Variants in ABCC11 observed in about 807,000 individuals in gnomAD.
ABCC11 encodes the protein ATP binding cassette subfamily C member 11.
A neutral mutation model predicts 149.3 loss-of-function variants in ABCC11; 135 were observed. That is an observed-to-expected ratio of 0.90 (90% confidence interval 0.79 to 1.04). The LOEUF (loss-of-function observed/expected upper bound fraction) is 1.04, where lower values mean the gene tolerates loss of function less well. Ranked by LOEUF, ABCC11 falls within the 50% of genes least tolerant of loss-of-function variation. The pLI is 0.00. For synonymous variants in ABCC11, 665 were observed against 671.4 expected (o/e 0.99, Z 0.15); for missense variants, 1,680 against 1,722.1 (o/e 0.98, Z 0.43).
chr16:48,225,883 A>G (rs1396497669), intron 4 of ABCC11, among the ~76,000 whole-genome samples: 4 of 152,240 alleles, frequency 2.6e-5, no homozygotes, highest in African/African-American at 9.6e-5. Flanking sequence ...ACAAAAAACA[A>G]AAACGGAGTG....
chr16:48,174,157 C>G (rs1965888908), intron 26 of ABCC11, among the ~76,000 whole-genome samples: 1 of 152,166 alleles, frequency 6.6e-6, no homozygotes, highest in African/African-American at 2.4e-5. Context: ...CCCCTTCATA[C>G]TGTGATTTAT....
chr16:48,215,211 G>C lies in ABCC11; in HGVS notation c.1085C>G (p.Ala362Gly), dbSNP rs759667730. The C allele has an allele frequency of 6.2e-7, 1 of 1,609,154 alleles. No homozygotes were observed. The highest frequency in any genetic ancestry group is 8.5e-7 in the Non-Finnish European group (1 of 1,176,330). ...ACTTTCCATACCTTCAATGATTTTT[G>C]CAAATGGTTTCTCCCATGTGTACAT... ...IKMYTWEKPF[A>G]KIIEDLRRKE... The change falls in exon 8 of 30, where the codon GCA becomes GGA. Residue 362 changes from alanine to glycine, a missense_variant. Coordinates refer to ENST00000356608, the MANE Select transcript of ABCC11 (RefSeq NM_001370497.1).
chr16:48,203,798 G>A (rs748409350), intron 13 of ABCC11, among the ~76,000 whole-genome samples: 4 of 152,170 alleles, frequency 2.6e-5, no homozygotes, highest in Non-Finnish European at 5.9e-5. Context: ...AACCAGGGAG[G>A]CGGAAAGGTT....
chr16:48,239,347 G>A (rs993471265), intron 1 of ABCC11, among the ~76,000 whole-genome samples: 2 of 152,060 alleles, frequency 1.3e-5, no homozygotes, highest in Non-Finnish European at 1.5e-5. Context: ...CGGATCACGA[G>A]GTCAGGAGAT....
At chr16:48,185,477 GTATTAT>G (rs1238331544) in intron 22 of ABCC11, among the ~76,000 whole-genome samples, 1 of 152,020 alleles carries the variant, frequency 6.6e-6, no homozygotes, top group Non-Finnish European at 1.5e-5. Context: ...TATTTGATTA[GTATTAT>G]TATTTTACTT....
intron 3 of ABCC11, among the ~76,000 whole-genome samples, chr16:48,229,459 T>A (rs916518713): frequency 1.4e-5 from 2 of 146,352 alleles, no homozygotes; most frequent in Non-Finnish European, 3.0e-5. Flanking sequence ...GTAACTTTTT[T>A]TTTTTTTTTT....
chr16:48,167,567 C>A lies in ABCC11; in HGVS notation c.3985G>T (p.Val1329Leu). The change falls in exon 29 of 30, where the codon GTG (valine) becomes TTG (leucine). Residue 1329 changes from valine to leucine, a missense_variant. Transcript: ENST00000356608. ...TIREAFQGCT[V>L]LVIAHRVTTV... The stretch of plus-strand genomic sequence containing the variant: ...GTGACACGGTGGGCAATGACGAGCA[C>A]GGTGCAGCCCTGGAAGGCTTCACGG... The A allele has an allele frequency of 1.2e-6, 2 of 1,614,144 alleles. No homozygotes were observed. The highest frequency in any genetic ancestry group is 1.7e-6 in the Non-Finnish European group (2 of 1,180,030).
rs1256850105 is a variant in ABCC11, at chr16:48,215,186, A to T, written c.1099+11T>A. On this transcript the variant is annotated intron_variant, in intron 8 of 29. Transcript: ENST00000356608. ...CACCAGGTTTGGAGCAGAAAGTCAG[A>T]CTTTCCATACCTTCAATGATTTTTG... 1.2e-6 allele frequency: 2 copies of T among 1,603,846 alleles called. No homozygotes were observed. Among genetic ancestry groups the T allele is most frequent in the Non-Finnish European group, 1.7e-6 (2 of 1,171,576 alleles).
At position 48,176,888 on chromosome 16, in the gene ABCC11, G is replaced by A. The variant is rs768300581; in HGVS notation, c.3538+36C>T. ...GGTCTAGTGCCCAAAGGGCAAAGGAGGAGCTGGGGACGCTCGCCCAGGAAG... is the reference window on the plus strand; with the variant it reads ...GGTCTAGTGCCCAAAGGGCAAAGGAAGAGCTGGGGACGCTCGCCCAGGAAG... On this transcript the variant is annotated intron_variant, in intron 25 of 29. Coordinates refer to ENST00000356608, the MANE Select transcript of ABCC11 (RefSeq NM_001370497.1). The A allele has an allele frequency of 3.1e-6, 5 of 1,602,650 alleles. No homozygotes were observed. The South Asian group carries it at 5.6e-5, about 18-fold the overall frequency.
Position 48,167,288 on chromosome 16 carries a change from A to G in ABCC11, c.4135T>C (p.Ser1379Pro). The G allele has an allele frequency of 1.2e-6, 1 of 823,532 alleles. No homozygotes were observed. The highest frequency in any genetic ancestry group is 2.2e-6 in the Non-Finnish European group (1 of 457,132). 51.0% of individuals were successfully genotyped at this position (823,532 alleles called of 1,614,324 possible). A position where few individuals can be genotyped will look rare whatever the true frequency, so the allele number is the denominator to read the frequency against. Residue 1379 changes from serine (S) to proline (P), a missense_variant, in exon 30 of 30, where the codon TCT (serine) becomes CCT (proline). Transcript: ENST00000356608. The stretch of plus-strand genomic sequence containing the variant: ...TCCACATCTCCTTATCTCAGTGAAG[A>G]AGTGGCTGTGGCCATGAGGGCTGCG... ...LFAALMATAT[S>P]SLR
At chr16:48,214,788 G>C (rs1596795090) in intron 9 of ABCC11, 93 bp downstream of exon 9, 1 of 1,491,656 alleles carries the variant, frequency 6.7e-7, no homozygotes, top group East Asian at 2.3e-5. Flanking sequence ...CATTTACAAA[G>C]CCTTCAGACC....
chr16:48,183,701 T>C (rs1353163656), intron 23 of ABCC11, among the ~76,000 whole-genome samples: 1 of 152,182 alleles, frequency 6.6e-6, no homozygotes, highest in Non-Finnish European at 1.5e-5. Flanking sequence ...AGGTGGAGAT[T>C]GCAGTGAGCC....
intron 1 of ABCC11, chr16:48,232,146 C>T (rs1567291216): frequency 8.0e-7 from 1 of 1,252,644 alleles, no homozygotes; most frequent in Middle Eastern, 3.1e-4. Context: ...GCCCAAATCA[C>T]TTAGTGAAAC....
At chr16:48,233,195 C>T (rs117773735) in intron 1 of ABCC11, among the ~76,000 whole-genome samples, 2,401 of 152,200 alleles carry the variant, frequency 0.016, 28 homozygotes, top group Non-Finnish European at 0.025. Flanking sequence ...AGCAAGACCC[C>T]ATCTCAAAAA....
At chr16:48,165,558 A>T (rs1466431946), downstream of ABCC11, 1 of 152,292 alleles carries the variant, frequency 6.6e-6, no homozygotes, top group Non-Finnish European at 1.5e-5. Flanking sequence ...AGGTCTCAGT[A>T]AACTGTGCCC....
chr16:48,212,322 T>C (rs1027181758), intron 10 of ABCC11, among the ~76,000 whole-genome samples: 2 of 152,050 alleles, frequency 1.3e-5, no homozygotes, highest in African/African-American at 4.8e-5. Context: ...ACTTACTCCC[T>C]AGAACAGGCG....
chr16:48,179,132 G>A (rs563866480), intron 23 of ABCC11, among the ~76,000 whole-genome samples: 1 of 152,326 alleles, frequency 6.6e-6, no homozygotes, highest in South Asian at 2.1e-4. Flanking sequence ...ATGCTTCTCA[G>A]GAGATCCCAG....
intron 28 of ABCC11, among the ~76,000 whole-genome samples, chr16:48,169,438 A>G (rs1172944264): frequency 6.6e-6 from 1 of 152,200 alleles, no homozygotes; most frequent in African/African-American, 2.4e-5. Context: ...ACATATGGCT[A>G]GCCAGTTTTC....
At chr16:48,175,667 T>C (rs1297836894) in intron 25 of ABCC11, among the ~76,000 whole-genome samples, 1 of 152,216 alleles carries the variant, frequency 6.6e-6, no homozygotes, top group African/African-American at 2.4e-5. Flanking sequence ...CGCAGACATG[T>C]TTTGTTTCAT....
Sources: gnomAD v4.1 joint callset for allele counts (sites outside exome capture counted in the v4.1 genomes callset) on GRCh38, gnomAD v4.1.1 for gene constraint, MANE v1.5 for transcripts, NCBI Gene and HGNC (gene_info 2026-07-23, HGNC 2026-07-21) for gene names.